The following SPINT1 variants were observed in gnomAD, a reference collection of about 807,000 sequenced individuals.
SPINT1 encodes the protein kunitz-type protease inhibitor 1.
In SPINT1, 38 loss-of-function variants were observed where a neutral mutation model predicts 53.7. The observed-to-expected ratio is 0.71, with a 90% CI of 0.55 to 0.93. SPINT1 has a LOEUF of 0.93. Among genes scored for constraint, SPINT1 ranks in the 40% least tolerant of loss-of-function variants. SPINT1 has a pLI of 0.00. For synonymous variants in SPINT1, 283 were observed against 280.6 expected (o/e 1.01, Z -0.08); for missense variants, 645 against 692.9 (o/e 0.93, Z 0.78).
chr15:40,844,764 C>T lies in SPINT1; in HGVS notation c.210C>T (p.Ser70=), dbSNP rs1213676479. Residue 70 remains serine, a synonymous_variant, in exon 2 of 11, where the codon AGC becomes AGT. Coordinates refer to ENST00000562057, the MANE Select transcript of SPINT1 (RefSeq NM_003710.4). This position sits in a 1 kb window ranked among gnomAD's most constrained non-coding sequence, Gnocchi z 5.8. ...TGCTGGACACCAACGCCTCGGTCAGCAACGGAGCTACCTTCCTGGAGTCCC... is the reference window on the plus strand; with the variant it reads ...TGCTGGACACCAACGCCTCGGTCAGTAACGGAGCTACCTTCCTGGAGTCCC... ...GFVLDTNASV[S]NGATFLESPT... 7 of 1,611,718 alleles carry T rather than the reference C, an allele frequency of 4.3e-6. 1 individual carries two copies. Among genetic ancestry groups the T allele is most frequent in the African/African-American group, 2.7e-5 (2 of 74,916 alleles).
At chr15:40,854,795 T>C in intron 8 of SPINT1, 106 bp downstream of exon 8, 1 of 1,439,110 alleles carries the variant, frequency 6.9e-7, no homozygotes. Context: ...TACGGGCCTG[T>C]GGGCACAAAG....
At chr15:40,848,969 G>C (rs1440998625) in intron 2 of SPINT1, among the ~76,000 whole-genome samples, 1 of 150,384 alleles carries the variant, frequency 6.6e-6, no homozygotes, top group Non-Finnish European at 1.5e-5. Flanking sequence ...GGGTCGGGCC[G>C]GGCGCGGTGG....
chr15:40,845,000 A>G lies in SPINT1; in HGVS notation c.446A>G (p.Tyr149Cys), dbSNP rs372434962. 2.7e-5 allele frequency: 44 copies of G among 1,611,720 alleles called. No individual in the cohort carries two copies. In the South Asian group the frequency reaches 3.9e-4, roughly 14 times the overall value. Residue 149 changes from tyrosine (Y) to cysteine (C), a missense_variant, in exon 2 of 11, where the codon TAC (tyrosine) becomes TGC (cysteine). Transcript: ENST00000562057. The surrounding 1 kb of genome is among the most constrained non-coding windows in gnomAD (Gnocchi z 5.8). The stretch of plus-strand genomic sequence containing the variant: ...CTCACGAGGGAAGTGTACCGCTCCT[A>G]CCGCCAGCTGCGGACCCAGGGCTTT... ...NYLTREVYRS[Y>C]RQLRTQGFGG... is the part of the protein sequence containing the mutation.
At position 40,844,776 on chromosome 15, in the gene SPINT1, C is replaced by G; in HGVS notation, c.222C>G (p.Thr74=). The change falls in exon 2 of 11, where the codon ACC becomes ACG. Residue 74 remains threonine (T), a synonymous_variant. Transcript: ENST00000562057. This position sits in a 1 kb window ranked among gnomAD's most constrained non-coding sequence, Gnocchi z 5.8. The part of the protein sequence containing the change: ...DTNASVSNGA[T]FLESPTVRRG... Reference sequence around the variant, plus strand: ...ACGCCTCGGTCAGCAACGGAGCTACCTTCCTGGAGTCCCCCACCGTGCGCC... The same window carrying G: ...ACGCCTCGGTCAGCAACGGAGCTACGTTCCTGGAGTCCCCCACCGTGCGCC... 1 of 1,612,636 alleles carries G rather than the reference C, an allele frequency of 6.2e-7. No individual in the cohort carries two copies.
Position 40,857,410 on chromosome 15 carries a change from G to C in SPINT1, c.*435G>C. ...TTCCCTGTGTAGTTTGTGCTGTAAA[G>C]AGTTGCTTTTTGTTTATTTAATGCT... On this transcript the variant is annotated 3_prime_UTR_variant, in exon 11 of 11. Coordinates refer to ENST00000562057, the MANE Select transcript of SPINT1 (RefSeq NM_003710.4). The C allele has an allele frequency of 5.8e-6, 1 of 172,212 alleles. No individual in the cohort carries two copies. Among genetic ancestry groups the C allele is most frequent in the Non-Finnish European group, 1.2e-5 (1 of 81,284 alleles). 10.7% of individuals were successfully genotyped at this position (172,212 alleles called of 1,614,324 possible). A position where few individuals can be genotyped will look rare whatever the true frequency, so the allele number is the denominator to read the frequency against.
In SPINT1 at chr15:40,856,873, C is replaced by T. The variant is rs750171118; in HGVS notation, c.1440C>T (p.His480=). 6.2e-6 allele frequency: 10 copies of T among 1,614,162 alleles called. No homozygotes were observed. The highest frequency in any genetic ancestry group is 1.1e-5 in the South Asian group (1 of 91,062). ...TCAAGAACCAGAGAAAGGACTTCCA[C>T]GGACACCACCACCACCCACCACCCA... ...CFFKNQRKDF[H]GHHHHPPPTP... Residue 480 remains histidine (H), a synonymous_variant, in exon 11 of 11, where the codon CAC becomes CAT. Coordinates refer to ENST00000562057, the MANE Select transcript of SPINT1 (RefSeq NM_003710.4).
chr15:40,856,267 A>G lies in SPINT1; in HGVS notation c.1289-9A>G, dbSNP rs1891638529. ...GTACTGACTGGTCTTTCCCCTCATCATTCTGCAGAGAAGGATGTGTTTGGC... is the reference window on the plus strand; with the variant it reads ...GTACTGACTGGTCTTTCCCCTCATCGTTCTGCAGAGAAGGATGTGTTTGGC... On this transcript the variant is annotated splice_polypyrimidine_tract_variant and intron_variant, in intron 9 of 10. Coordinates refer to ENST00000562057, the MANE Select transcript of SPINT1 (RefSeq NM_003710.4). 1 of 1,613,996 alleles carries G rather than the reference A, an allele frequency of 6.2e-7. No homozygotes were observed. Among genetic ancestry groups the G allele is most frequent in the Admixed American group, 1.7e-5 (1 of 59,992 alleles).
chr15:40,852,318 C>T (rs1469745085), intron 2 of SPINT1, among the ~76,000 whole-genome samples: 2 of 152,194 alleles, frequency 1.3e-5, no homozygotes, highest in Non-Finnish European at 2.9e-5. Context: ...CCAGGATGAT[C>T]GCATCTGGAG....
At chr15:40,852,777 G>A (rs932921786) in intron 2 of SPINT1, among the ~76,000 whole-genome samples, 10 of 151,926 alleles carry the variant, frequency 6.6e-5, no homozygotes, top group Admixed American at 6.6e-4. Flanking sequence ...GCCGAGGCAG[G>A]AGGATTGCTT....
chr15:40,856,899 C>T lies in SPINT1; in HGVS notation c.1466C>T (p.Thr489Ile). ...FHGHHHHPPP[T>I]PASSTVSTTE... ...GGACACCACCACCACCCACCACCCACCCCTGCCAGCTCCACTGTCTCCACT... is the reference window on the plus strand; with the variant it reads ...GGACACCACCACCACCCACCACCCATCCCTGCCAGCTCCACTGTCTCCACT... The change falls in exon 11 of 11, where the codon ACC becomes ATC. Residue 489 changes from threonine (T) to isoleucine (I), a missense_variant. Coordinates refer to ENST00000562057, the MANE Select transcript of SPINT1 (RefSeq NM_003710.4). 6.2e-7 allele frequency: 1 copy of T among 1,614,174 alleles called. No individual in the cohort carries two copies. The highest frequency in any genetic ancestry group is 2.2e-5 in the East Asian group (1 of 44,888).
chr15:40,845,565 A>C (rs1219279555), intron 2 of SPINT1, among the ~76,000 whole-genome samples: 1 of 152,136 alleles, frequency 6.6e-6, no homozygotes. Context: ...TACAAACAGT[A>C]AACAAATGAA....
chr15:40,853,345 G>A lies in SPINT1; in HGVS notation c.603+94G>A, dbSNP rs547544390. The A allele has an allele frequency of 7.9e-5, 126 of 1,602,444 alleles. 1 individual carries two copies. In the South Asian group the frequency reaches 1.1e-3, roughly 14 times the overall value. On this transcript the variant is annotated intron_variant, in intron 3 of 10. Transcript: ENST00000562057. ...CCTAGGCCAACCAATGGCCCCGGATGGGATGGGGTGGAGAGAGGCTGAAGA... is the reference window on the plus strand; with the variant it reads ...CCTAGGCCAACCAATGGCCCCGGATAGGATGGGGTGGAGAGAGGCTGAAGA...
chr15:40,851,850 A>G (rs542424206), intron 2 of SPINT1, among the ~76,000 whole-genome samples: 1 of 152,210 alleles, frequency 6.6e-6, no homozygotes, highest in Non-Finnish European at 1.5e-5. Context: ...GTGAAACCCC[A>G]TCTCTACTAA....
Position 40,844,848 on chromosome 15 carries a change from C to G in SPINT1, c.294C>G (p.Asn98Lys). The part of the protein sequence containing the change: ...VRACCTTQNC[N>K]LALVELQPDR... Reference sequence around the variant, plus strand: ...CCTGCTGCACCACCCAGAACTGCAACTTGGCGCTAGTGGAGCTGCAGCCCG... The same window carrying G: ...CCTGCTGCACCACCCAGAACTGCAAGTTGGCGCTAGTGGAGCTGCAGCCCG... Residue 98 changes from asparagine (N) to lysine (K), a missense_variant, in exon 2 of 11, where the codon AAC becomes AAG. By Grantham distance (94) the Asn-to-Lys change is moderately conservative. Coordinates refer to ENST00000562057, the MANE Select transcript of SPINT1 (RefSeq NM_003710.4). This position sits in a 1 kb window ranked among gnomAD's most constrained non-coding sequence, Gnocchi z 5.8. 1 of 1,613,894 alleles carries G rather than the reference C, an allele frequency of 6.2e-7. No individual in the cohort carries two copies. Among genetic ancestry groups the G allele is most frequent in the South Asian group, 1.1e-5 (1 of 91,082 alleles).
In SPINT1 at chr15:40,857,353, C is replaced by T. The variant is rs1891680187; in HGVS notation, c.*378C>T. The T allele has an allele frequency of 4.1e-6, 1 of 245,568 alleles. No individual in the cohort carries two copies. Among genetic ancestry groups the T allele is most frequent in the South Asian group, 8.1e-5 (1 of 12,402 alleles). The allele number at this position is 245,568 out of a possible 1,614,324, so 15.2% of individuals were successfully genotyped here. The stretch of plus-strand genomic sequence containing the variant: ...ACCCTGTCCTCCCGAGCTCCTCTTC[C>T]ATGCTGTGCGCCCAGGGCTGGGAGG... On this transcript the variant is annotated 3_prime_UTR_variant, in exon 11 of 11. Transcript: ENST00000562057.
At chr15:40,854,564 A>G (rs375162891) in intron 7 of SPINT1, 42 bp downstream of exon 7, 122 of 1,613,464 alleles carry the variant, frequency 7.6e-5, no homozygotes, top group Middle Eastern at 4.9e-4. Context: ...GCAGACAGGG[A>G]GGTCCTGACA....
Position 40,848,998 on chromosome 15 carries a change from G to A in SPINT1, c.475+3969G>A, listed in dbSNP as rs1460041754. On this transcript the variant is annotated intron_variant, in intron 2 of 10. Coordinates refer to ENST00000562057, the MANE Select transcript of SPINT1 (RefSeq NM_003710.4). ...GCGGTGGGTCACGCCTGTAATCCCA[G>A]AACTTTGGGAGGCCGGGGCGGGCGG... Among the ~76,000 whole-genome samples the A allele has an allele frequency of 3.3e-5, 5 of 151,030 alleles. No homozygotes were observed. In the South Asian group the frequency reaches 6.3e-4, roughly 19 times the overall value.
At chr15:40,846,325 G>A (rs531097458) in intron 2 of SPINT1, among the ~76,000 whole-genome samples, 6 of 152,100 alleles carry the variant, frequency 3.9e-5, no homozygotes, top group African/African-American at 4.8e-5. Context: ...GCAGGGGTAG[G>A]TCACCTCTCA....
intron 2 of SPINT1, among the ~76,000 whole-genome samples, chr15:40,845,914 G>A (rs1355913922): frequency 6.6e-6 from 1 of 152,210 alleles, no homozygotes; most frequent in Non-Finnish European, 1.5e-5. Context: ...GCCTTTTGGT[G>A]GTCCAGGAAG....
Sources: allele counts gnomAD v4.1 joint callset (sites outside exome capture counted in the v4.1 genomes callset), GRCh38; gene constraint gnomAD v4.1.1; non-coding constraint Gnocchi (gnomAD v3.1); transcripts MANE v1.5; gene names NCBI Gene and HGNC (gene_info 2026-07-23, HGNC 2026-07-21).